The following ZFYVE9 variants were observed in gnomAD, a reference collection of about 807,000 sequenced individuals.
ZFYVE9 encodes zinc finger FYVE-type containing 9, also known as zinc finger FYVE domain-containing protein 9.
Under a neutral mutation model 126.7 loss-of-function variants are expected in ZFYVE9, and 43 were observed. That is an observed-to-expected ratio of 0.34 (90% CI 0.27 to 0.44). The LOEUF (loss-of-function observed/expected upper bound fraction) is 0.44. Ranked by LOEUF, ZFYVE9 falls within the 20% of genes least tolerant of loss-of-function variation. The pLI is 1.00. For synonymous variants in ZFYVE9, 521 were observed against 597.4 expected (o/e 0.87, Z 1.87); for missense variants, 1,476 against 1,697.0 (o/e 0.87, Z 2.29).
At chr1:52,311,666 G>A (rs960346910) in intron 13 of ZFYVE9, among the ~76,000 whole-genome samples, 5 of 152,162 alleles carry the variant, frequency 3.3e-5, no homozygotes, top group African/African-American at 7.2e-5. Flanking sequence ...TTTCAATCAC[G>A]TGTCAAATAA....
chr1:52,164,446 T>G (rs1388443328), intron 1 of ZFYVE9, among the ~76,000 whole-genome samples: 2 of 152,022 alleles, frequency 1.3e-5, no homozygotes, highest in Non-Finnish European at 2.9e-5. Context: ...ACTCCTCACC[T>G]CAAGTAATCC....
At chr1:52,305,890 G>A (rs1013472470) in intron 13 of ZFYVE9, among the ~76,000 whole-genome samples, 1 of 152,186 alleles carries the variant, frequency 6.6e-6, no homozygotes. Flanking sequence ...ACACACCAGT[G>A]CCCTGCCGCC....
intron 5 of ZFYVE9, among the ~76,000 whole-genome samples, chr1:52,265,435 AG>A (rs1338412223): frequency 6.6e-6 from 1 of 152,200 alleles, no homozygotes; most frequent in African/African-American, 2.4e-5. Context: ...GCTTAAAAAG[AG>A]GGTGGCTTCT....
intron 4 of ZFYVE9, among the ~76,000 whole-genome samples, chr1:52,255,973 T>TTCC (rs1557484259): frequency 2.7e-4 from 34 of 124,510 alleles, no homozygotes; most frequent in African/African-American, 1.2e-3. Flanking sequence ...CTTTTCTTTC[T>TTCC]TTCTTTCTTT....
At chr1:52,255,583 CAAA>C (rs753995875) in intron 4 of ZFYVE9, among the ~76,000 whole-genome samples, 1 of 73,778 alleles carries the variant, frequency 1.4e-5, no homozygotes. Flanking sequence ...AAAACCATCT[CAAA>C]AAAAAAAAAA....
chr1:52,239,934 T>G (rs1317757007), intron 4 of ZFYVE9, among the ~76,000 whole-genome samples: 1 of 152,238 alleles, frequency 6.6e-6, no homozygotes, highest in Non-Finnish European at 1.5e-5. Context: ...TAGGAAATAT[T>G]TGTCATTAAC....
intron 1 of ZFYVE9, among the ~76,000 whole-genome samples, chr1:52,189,146 C>T (rs112775339): frequency 0.015 from 2,251 of 151,394 alleles, 72 homozygotes; most frequent in African/African-American, 0.052. Context: ...CATATTGGCC[C>T]GGGTGGTCTT....
chr1:52,336,009 C>T (rs1646385002), intron 15 of ZFYVE9, among the ~76,000 whole-genome samples: 1 of 152,108 alleles, frequency 6.6e-6, no homozygotes, highest in Non-Finnish European at 1.5e-5. Flanking sequence ...TGGCGCATGC[C>T]TGTAATCCCA....
intron 1 of ZFYVE9, among the ~76,000 whole-genome samples, chr1:52,184,215 A>T (rs1302208347): frequency 1.4e-5 from 2 of 142,524 alleles, no homozygotes; most frequent in African/African-American, 5.3e-5. Context: ...ATATATTTAT[A>T]TATATAGATA....
chr1:52,258,233 A>G (rs188378847), intron 4 of ZFYVE9, among the ~76,000 whole-genome samples: 30 of 152,288 alleles, frequency 2.0e-4, no homozygotes, highest in Admixed American at 8.5e-4. Flanking sequence ...ATAAAGATAT[A>G]TGGCATATGG....
At chr1:52,248,626 C>T (rs1316703342) in intron 4 of ZFYVE9, among the ~76,000 whole-genome samples, 1 of 152,172 alleles carries the variant, frequency 6.6e-6, no homozygotes, top group African/African-American at 2.4e-5. Flanking sequence ...CTGAATATTT[C>T]ATTGTATGTA....
chr1:52,227,130 G>T (rs1286930211), intron 2 of ZFYVE9, among the ~76,000 whole-genome samples: 1 of 152,224 alleles, frequency 6.6e-6, no homozygotes, highest in African/African-American at 2.4e-5. Context: ...ACTTTTCCAT[G>T]TAAGCTGTAA....
chr1:52,208,594 C>T (rs1343870438), intron 1 of ZFYVE9, among the ~76,000 whole-genome samples: 5 of 151,348 alleles, frequency 3.3e-5, no homozygotes, highest in African/African-American at 9.7e-5. Context: ...CTCAGCCCGG[C>T]GCAATCTTGG....
intron 13 of ZFYVE9, among the ~76,000 whole-genome samples, chr1:52,317,378 C>T (rs1333126590): frequency 4.0e-5 from 6 of 151,294 alleles, no homozygotes; most frequent in Admixed American, 2.0e-4. Context: ...AAAAATTATC[C>T]GGGCATGATG....
chr1:52,171,681 T>C (rs1249921992), intron 1 of ZFYVE9, among the ~76,000 whole-genome samples: 18 of 152,124 alleles, frequency 1.2e-4, no homozygotes, highest in Admixed American at 2.6e-4. Flanking sequence ...GACTTTTTAA[T>C]GATCGCCATT....
intron 1 of ZFYVE9, among the ~76,000 whole-genome samples, chr1:52,215,158 T>G (rs1245028601): frequency 6.6e-6 from 1 of 152,240 alleles, no homozygotes; most frequent in African/African-American, 2.4e-5. Flanking sequence ...AGAAAATCTT[T>G]AATCAGCTAG....
chr1:52,271,007 A>T (rs1645687292), intron 7 of ZFYVE9, among the ~76,000 whole-genome samples: 1 of 152,158 alleles, frequency 6.6e-6, no homozygotes, highest in Non-Finnish European at 1.5e-5. Context: ...TGGGCAACAT[A>T]GTCAGACTCT....
chr1:52,255,981 TTTCCTTCC>T lies in ZFYVE9; in HGVS notation c.2179-7768_2179-7761del, dbSNP rs772190432. On this transcript the variant is annotated intron_variant, in intron 4 of 18. Transcript: ENST00000287727. ...TTCTTTTCTTTTCTTTCTTTCTTTC[TTTCCTTCC>T]TTCCTTCCTTCCTTCCTTCCTTCTT... Among the ~76,000 whole-genome samples, 112 of 115,684 alleles carry T rather than the reference TTTCCTTCC, an allele frequency of 9.7e-4. 1 individual carries two copies. The highest frequency in any genetic ancestry group is 3.7e-3 in the African/African-American group (101 of 27,282). 75.9% of individuals were successfully genotyped at this position (115,684 alleles called of 152,430 possible).
intron 9 of ZFYVE9, among the ~76,000 whole-genome samples, chr1:52,279,335 G>A (rs921216814): frequency 2.6e-5 from 4 of 152,142 alleles, no homozygotes; most frequent in African/African-American, 7.2e-5. Flanking sequence ...CAATTATGGT[G>A]CAAAACTTTA....
Sources: allele counts gnomAD v4.1 joint callset (sites outside exome capture counted in the v4.1 genomes callset), GRCh38; gene constraint gnomAD v4.1.1; transcripts MANE v1.5; gene names NCBI Gene and HGNC (gene_info 2026-07-23, HGNC 2026-07-21).